The following IFT140 variants were observed in gnomAD, a reference collection of about 807,000 sequenced individuals.
The protein encoded by IFT140 is intraflagellar transport protein 140 homolog.
IFT140 carries 133 observed loss-of-function variants against 164.6 expected under a neutral mutation model. The observed-to-expected ratio is 0.81, with a 90% confidence interval of 0.70 to 0.93. The LOEUF (loss-of-function observed/expected upper bound fraction) is 0.93, where lower values mean the gene tolerates loss of function less well. IFT140 is among the 40% of genes least tolerant of loss of function. The pLI is 0.00. For synonymous variants in IFT140, 860 were observed against 817.3 expected (o/e 1.05, Z -0.89); for missense variants, 2,045 against 1,972.3 (o/e 1.04, Z -0.70).
intron 4 of IFT140, among the ~76,000 whole-genome samples, chr16:1,598,367 A>G (rs1284479829): frequency 6.6e-6 from 1 of 152,086 alleles, no homozygotes; most frequent in Non-Finnish European, 1.5e-5. Context: ...CTGAGGCAGG[A>G]GAATGGCGTG....
chr16:1,570,478 C>G (rs1392483720), intron 14 of IFT140, among the ~76,000 whole-genome samples: 1 of 152,200 alleles, frequency 6.6e-6, no homozygotes, highest in East Asian at 1.9e-4. Flanking sequence ...CTCCTGCCAT[C>G]TACCCTCCAT....
chr16:1,564,041 G>T lies in IFT140; in HGVS notation c.2023C>A (p.Gln675Lys), dbSNP rs1202626787. The T allele has an allele frequency of 5.6e-6, 9 of 1,598,692 alleles. No individual in the cohort carries two copies. The East Asian group carries it at 2.0e-4, about 36-fold the overall frequency. The change falls in exon 17 of 31, where the codon CAG (glutamine) becomes AAG (lysine). Residue 675 changes from glutamine to lysine, a missense_variant. Gln to Lys is a moderately conservative substitution (Grantham distance 53). Coordinates refer to ENST00000426508, the MANE Select transcript of IFT140 (RefSeq NM_014714.4). The surrounding 1 kb of genome is among the most constrained non-coding windows in gnomAD (Gnocchi z 5.5). ...TCTTGGGGCTGCCCGTTTGCAGACT[G>T]AGGCTGGGAGCGCGGCGTCTCCTGC... ...AVQETPRSQP[Q>K]SANGQPQDGR...
chr16:1,543,214 G>A (rs544224774), intron 19 of IFT140, among the ~76,000 whole-genome samples: 9 of 152,384 alleles, frequency 5.9e-5, no homozygotes, highest in African/African-American at 1.7e-4. Context: ...CCTCGAGGCC[G>A]GTGCAGCGTT....
intron 23 of IFT140, 24 bp downstream of exon 23, chr16:1,524,760 C>T (rs1423534778): frequency 3.1e-6 from 5 of 1,591,400 alleles, no homozygotes. Context: ...GTCCGCCTGG[C>T]CGGCTCCCCT....
chr16:1,516,033 C>T (rs577871426), intron 30 of IFT140, among the ~76,000 whole-genome samples: 171 of 150,764 alleles, frequency 1.1e-3, no homozygotes, highest in African/African-American at 3.9e-3. Flanking sequence ...CCAGCTACTC[C>T]GGAGGCTGAG....
At chr16:1,579,645 G>C (rs1415462944) in intron 13 of IFT140, 4 of 152,244 alleles carry the variant, frequency 2.6e-5, no homozygotes, top group African/African-American at 7.2e-5. Flanking sequence ...GATGCAGACG[G>C]GGCAGTGGAT....
At chr16:1,523,486 G>A (rs775322318) in intron 26 of IFT140, 32 bp downstream of exon 26, 19 of 1,594,422 alleles carry the variant, frequency 1.2e-5, no homozygotes, top group East Asian at 2.2e-5. Context: ...GTGCCTGCGT[G>A]GAGCCGAGCC....
intron 17 of IFT140, among the ~76,000 whole-genome samples, chr16:1,563,289 C>A (rs1005114093): frequency 2.6e-5 from 4 of 151,268 alleles, no homozygotes; most frequent in Admixed American, 6.7e-5. Flanking sequence ...ACACTGACTG[C>A]AGATAACTTT....
rs751137457 is a variant in IFT140 at position 1,523,869 on chromosome 16, TCTC to T, written c.3226_3228del (p.Glu1076del). 14 of 1,613,396 alleles carry T rather than the reference TCTC, an allele frequency of 8.7e-6. No individual in the cohort carries two copies. Among genetic ancestry groups the T allele is most frequent in the East Asian group, 2.2e-5 (1 of 44,880 alleles). On this transcript the variant is annotated inframe_deletion, in exon 25 of 31. Coordinates refer to ENST00000426508, the MANE Select transcript of IFT140 (RefSeq NM_014714.4). Reference sequence around the variant, plus strand: ...ACCGCCCTGTCCATCTGCACGCCCTTCTCCTCGTAGTATCGGGCCGCCTCGATC... The same window carrying T: ...ACCGCCCTGTCCATCTGCACGCCCTTCTCGTAGTATCGGGCCGCCTCGATC...
chr16:1,597,630 C>G (rs2141981976), intron 4 of IFT140, among the ~76,000 whole-genome samples: 1 of 152,342 alleles, frequency 6.6e-6, no homozygotes, highest in East Asian at 1.9e-4. Context: ...TACTTCTCTT[C>G]CTGCTTGAAC....
At chr16:1,604,046 A>C (rs1053712643) in intron 3 of IFT140, among the ~76,000 whole-genome samples, 5 of 152,256 alleles carry the variant, frequency 3.3e-5, no homozygotes, top group African/African-American at 1.2e-4. Context: ...TAAAATTGCT[A>C]TAACTTTGGA....
intron 4 of IFT140, among the ~76,000 whole-genome samples, chr16:1,593,809 G>T (rs1311728000): frequency 1.3e-5 from 2 of 152,056 alleles, no homozygotes; most frequent in Non-Finnish European, 2.9e-5. Flanking sequence ...TGCTTGTGGG[G>T]TCTCTCCACT....
intron 6 of IFT140, among the ~76,000 whole-genome samples, chr16:1,591,589 G>A (rs368854759): frequency 4.6e-5 from 7 of 152,190 alleles, no homozygotes; most frequent in African/African-American, 1.7e-4. Context: ...TCACATGGCT[G>A]TAAGAGATGC....
rs144509895 is a variant in IFT140 at position 1,598,544 on chromosome 16, A to T, written c.369+3826T>A. Among the ~76,000 whole-genome samples the T allele has an allele frequency of 2.3e-3, 354 of 152,304 alleles. 4 individuals carry two copies. Among genetic ancestry groups the T allele is most frequent in the African/African-American group, 8.0e-3 (332 of 41,574 alleles). Reference sequence around the variant, plus strand: ...AACATAAATGAAAATTCTAAGAAACACTTAGACCCACCAGGGAGCTGTTCT... The same window carrying T: ...AACATAAATGAAAATTCTAAGAAACTCTTAGACCCACCAGGGAGCTGTTCT... On this transcript the variant is annotated intron_variant, in intron 4 of 30. Coordinates refer to ENST00000426508, the MANE Select transcript of IFT140 (RefSeq NM_014714.4).
Position 1,534,699 on chromosome 16 carries a change from G to A in IFT140, c.2400-7903C>T, listed in dbSNP as rs567273306. On this transcript the variant is annotated intron_variant, in intron 19 of 30. Coordinates refer to ENST00000426508, the MANE Select transcript of IFT140 (RefSeq NM_014714.4). ...CGTGGCCTCTGGGCAGGCAGGAGGG[G>A]GCACTGTGTCTCCCAGGGAACCAGG... 75 of 1,237,462 alleles carry A rather than the reference G, an allele frequency of 6.1e-5. 1 individual carries two copies. In the South Asian group the frequency reaches 9.6e-4, roughly 16 times the overall value. The allele number at this position is 1,237,462 out of a possible 1,614,324, so 76.7% of individuals were successfully genotyped here. A position where few individuals can be genotyped will look rare whatever the true frequency, so the allele number is the denominator to read the frequency against.
rs534651514 is a variant in IFT140, at chr16:1,551,682, C to T, written c.2399+6253G>A. On this transcript the variant is annotated intron_variant, in intron 19 of 30. Transcript: ENST00000426508. The surrounding 1 kb of genome is among the most constrained non-coding windows in gnomAD (Gnocchi z 4.0). ...CCCAACTTCAGGACATGCTTGTTCA[C>T]GGAAGAGCCTAAGATCAGCGGCACT... Among the ~76,000 whole-genome samples, 105 of 152,324 alleles carry T rather than the reference C, an allele frequency of 6.9e-4. 5 individuals carry two copies. In the South Asian group the frequency reaches 0.021, roughly 30 times the overall value.
chr16:1,611,542 C>T (rs1335908265), intron 1 of IFT140, among the ~76,000 whole-genome samples: 2 of 150,006 alleles, frequency 1.3e-5, no homozygotes, highest in Non-Finnish European at 3.0e-5. Context: ...GAGCCGGGCG[C>T]GGTGGCTCAC....
intron 19 of IFT140, among the ~76,000 whole-genome samples, chr16:1,542,590 TGCCTGGGGTCA>T (rs1001852989): frequency 6.6e-5 from 10 of 152,198 alleles, no homozygotes; most frequent in Non-Finnish European, 1.2e-4. Flanking sequence ...TCCTAGGACC[TGCCTGGGGTCA>T]GCCTGGGGTC....
chr16:1,520,926 T>A, intron 26 of IFT140, 118 bp from the exon 27 acceptor site: 1 of 879,608 alleles, frequency 1.1e-6, no homozygotes, highest in Admixed American at 2.4e-5. Flanking sequence ...GGCTTCTGTC[T>A]AGCTGGGGTG....
Sources: gnomAD v4.1 joint callset for allele counts (sites outside exome capture counted in the v4.1 genomes callset) on GRCh38, gnomAD v4.1.1 for gene constraint, Gnocchi (gnomAD v3.1) non-coding constraint, MANE v1.5 for transcripts, NCBI Gene and HGNC (gene_info 2026-07-23, HGNC 2026-07-21) for gene names.